The following COL19A1 variants were observed in gnomAD, a reference collection of about 807,000 sequenced individuals.
The protein encoded by COL19A1 is collagen type XIX alpha 1 chain, also known as collagen alpha-1(XIX) chain.
COL19A1 carries 159 observed loss-of-function variants against 190.2 expected under a neutral mutation model. The observed-to-expected ratio is 0.84, with a 90% CI of 0.73 to 0.95. COL19A1 has a LOEUF of 0.95. Among genes scored for constraint, COL19A1 ranks in the 40% least tolerant of loss-of-function variants. The pLI, the probability that COL19A1 is intolerant of heterozygous loss-of-function variation, is 0.00. For synonymous variants in COL19A1, 509 were observed against 458.9 expected (o/e 1.11, Z -1.39); for missense variants, 1,418 against 1,431.9 (o/e 0.99, Z 0.16).
At chr6:69,958,079 A>T (rs968463732) in intron 9 of COL19A1, among the ~76,000 whole-genome samples, 7 of 152,150 alleles carry the variant, frequency 4.6e-5, no homozygotes, top group African/African-American at 1.4e-4. Flanking sequence ...TCAATATCAC[A>T]GCTCTAGAGA....
At chr6:70,045,916 T>TTGAC (rs1454409685) in intron 14 of COL19A1, among the ~76,000 whole-genome samples, 2 of 152,326 alleles carry the variant, frequency 1.3e-5, no homozygotes, top group South Asian at 2.1e-4. Flanking sequence ...TTTCCAAATG[T>TTGAC]TGACTCCCCT....
chr6:70,025,514 A>G (rs1778686073), intron 12 of COL19A1, among the ~76,000 whole-genome samples: 1 of 152,272 alleles, frequency 6.6e-6, no homozygotes, highest in Admixed American at 6.5e-5. Flanking sequence ...GCCAGAGCAT[A>G]GGAAGTCCTG....
At chr6:70,177,375 A>G (rs1765880996) in intron 42 of COL19A1, among the ~76,000 whole-genome samples, 2 of 151,992 alleles carry the variant, frequency 1.3e-5, no homozygotes, top group Admixed American at 1.3e-4. Flanking sequence ...ACAGTCACCC[A>G]CCGAGATCTA....
At chr6:69,922,562 C>A (rs1275002032) in intron 4 of COL19A1, among the ~76,000 whole-genome samples, 3 of 148,512 alleles carry the variant, frequency 2.0e-5, no homozygotes, top group Admixed American at 6.8e-5. Flanking sequence ...CTCACTGCAA[C>A]CTTCACCTCC....
At position 69,887,086 on chromosome 6, in the gene COL19A1, A is replaced by G. The variant is rs115407467; in HGVS notation, c.91+7428A>G. The stretch of plus-strand genomic sequence containing the variant: ...TGTTGAATTCCATTCATTTCAAATG[A>G]TAGGTTTATTACTTTGAAATCATCA... On this transcript the variant is annotated intron_variant, in intron 2 of 50. Transcript: ENST00000620364. Among the ~76,000 whole-genome samples the G allele has an allele frequency of 2.4e-3, 361 of 152,320 alleles. 5 individuals carry two copies. Among genetic ancestry groups the G allele is most frequent in the African/African-American group, 8.2e-3 (342 of 41,584 alleles).
rs563913541 is a variant in COL19A1 at position 69,986,175 on chromosome 6, A to G, written c.1026+23305A>G. ...CAAATAACATACATAGAAAAGTGTC[A>G]ATTAAAATAATAGCTGCCAGTAAAA... is the stretch of plus-strand genomic sequence containing the variant. On this transcript the variant is annotated intron_variant, in intron 11 of 50. Coordinates refer to ENST00000620364, the MANE Select transcript of COL19A1 (RefSeq NM_001858.6). Among the ~76,000 whole-genome samples the G allele has an allele frequency of 1.3e-4, 20 of 149,916 alleles. No individual in the cohort carries two copies. In the South Asian group the frequency reaches 2.7e-3, roughly 20 times the overall value.
Position 70,060,873 on chromosome 6 carries a change from C to T in COL19A1, c.1171-7550C>T, listed in dbSNP as rs557187056. On this transcript the variant is annotated intron_variant, in intron 14 of 50. Transcript: ENST00000620364. ...AAAAATTGTCTTCCACAAAACTTGT[C>T]CTTGGTGCTGAAAAGGTTGGGGACC... Among the ~76,000 whole-genome samples, 506 of 152,234 alleles carry T rather than the reference C, an allele frequency of 3.3e-3. 2 individuals carry two copies. The highest frequency in any genetic ancestry group is 0.023 in the South Asian group (112 of 4,822).
chr6:69,959,857 A>G (rs920053148), intron 9 of COL19A1, 139 bp from the exon 10 acceptor site: 94 of 596,954 alleles, frequency 1.6e-4, no homozygotes, highest in Non-Finnish European at 2.5e-4. Context: ...GAACAGATGG[A>G]AAGTCCCTAT....
chr6:69,934,883 A>G (rs989010676), intron 7 of COL19A1, among the ~76,000 whole-genome samples: 1 of 152,048 alleles, frequency 6.6e-6, no homozygotes, highest in East Asian at 1.9e-4. Flanking sequence ...TCTACTTCCA[A>G]TACGAATTGT....
chr6:69,903,544 C>A (rs936169668), intron 4 of COL19A1, among the ~76,000 whole-genome samples: 2 of 152,146 alleles, frequency 1.3e-5, no homozygotes, highest in African/African-American at 4.8e-5. Flanking sequence ...CTTTTATGAG[C>A]CTGAAGGGCA....
At position 69,928,004 on chromosome 6, in the gene COL19A1, A is replaced by G. The variant is rs1251079556; in HGVS notation, c.362A>G (p.Gln121Arg). ...AAAAAGGAACGGTGGTTTCTGTGGCAGGTTTTAAACCAGCAGAATATTCCA... is the reference window on the plus strand; with the variant it reads ...AAAAAGGAACGGTGGTTTCTGTGGCGGGTTTTAAACCAGCAGAATATTCCA... Reference protein sequence around the residue: ...NAKKERWFLWQVLNQQNIPQI... With the variant: ...NAKKERWFLWRVLNQQNIPQI... The change falls in exon 5 of 51, where the codon CAG becomes CGG. Residue 121 changes from glutamine to arginine, a missense_variant. By Grantham distance (43) the Gln-to-Arg change is conservative. Transcript: ENST00000620364. The G allele has an allele frequency of 7.4e-6, 12 of 1,613,354 alleles. No individual in the cohort carries two copies. Among genetic ancestry groups the G allele is most frequent in the Non-Finnish European group, 1.0e-5 (12 of 1,179,510 alleles).
At chr6:69,867,161 G>C (rs1767504690) in intron 1 of COL19A1, among the ~76,000 whole-genome samples, 1 of 151,054 alleles carries the variant, frequency 6.6e-6, no homozygotes, top group African/African-American at 2.4e-5. Context: ...CGTAAGCTAA[G>C]AGACGCGGGG....
intron 9 of COL19A1, among the ~76,000 whole-genome samples, chr6:69,953,324 A>C (rs1774228472): frequency 6.6e-6 from 1 of 152,010 alleles, no homozygotes; most frequent in African/African-American, 2.4e-5. Context: ...CACAGGATTG[A>C]ATTTTTAATC....
intron 4 of COL19A1, among the ~76,000 whole-genome samples, chr6:69,918,104 G>A (rs1359114226): frequency 1.3e-5 from 2 of 152,162 alleles, no homozygotes; most frequent in Non-Finnish European, 2.9e-5. Flanking sequence ...GAGATGATGT[G>A]TCAGAGGAAG....
At chr6:69,921,459 ATCATATATATTCATATATTCATATATAT>A (rs1554166264) in intron 4 of COL19A1, among the ~76,000 whole-genome samples, 1 of 21,270 alleles carries the variant, frequency 4.7e-5, no homozygotes, top group Non-Finnish European at 1.0e-4. Context: ...TATCATATAT[ATCATATATATTCATATATTCATATATAT>A]TCATATATAT....
At chr6:69,991,838 T>C (rs1436548216) in intron 11 of COL19A1, among the ~76,000 whole-genome samples, 2 of 152,118 alleles carry the variant, frequency 1.3e-5, no homozygotes, top group Non-Finnish European at 2.9e-5. Context: ...ATTCTGTATG[T>C]TGTCTGTTTA....
intron 15 of COL19A1, among the ~76,000 whole-genome samples, chr6:70,072,026 G>A (rs1378608515): frequency 1.3e-5 from 2 of 152,094 alleles, no homozygotes; most frequent in Non-Finnish European, 1.5e-5. Context: ...TTGTGAGGTA[G>A]GAGAGGCAAA....
chr6:70,061,569 C>G (rs1780831302), intron 14 of COL19A1, among the ~76,000 whole-genome samples: 1 of 151,974 alleles, frequency 6.6e-6, no homozygotes, highest in Non-Finnish European at 1.5e-5. Context: ...CATTCCAAAT[C>G]AAATATTATA....
Position 70,156,708 on chromosome 6 carries a change from G to T in COL19A1, c.2277G>T (p.Gly759=). The change falls in exon 34 of 51, where the codon GGG becomes GGT. Residue 759 remains glycine, a synonymous_variant. Transcript: ENST00000620364. ...KGERGYPGIP[G]EKGDEGLQGI... ...AGCGGGGCTACCCTGGGATACCTGG[G>T]GAGAAAGGCGATGAGGTAACAGATT... 6.2e-7 allele frequency: 1 copy of T among 1,611,178 alleles called. No homozygotes were observed. Among genetic ancestry groups the T allele is most frequent in the Non-Finnish European group, 8.5e-7 (1 of 1,178,264 alleles).
Sources: allele counts gnomAD v4.1 joint callset (sites outside exome capture counted in the v4.1 genomes callset), GRCh38; gene constraint gnomAD v4.1.1; transcripts MANE v1.5; gene names NCBI Gene and HGNC (gene_info 2026-07-23, HGNC 2026-07-21).